The following NCEH1 variants were observed in gnomAD, a reference collection of about 807,000 sequenced individuals.
The protein encoded by NCEH1 is 2-acetyl MAGE hydrolase.
A neutral mutation model predicts 25.4 loss-of-function variants in NCEH1; 9 were observed. The observed-to-expected ratio is 0.35, with a 90% CI of 0.21 to 0.62. The LOEUF is 0.62. NCEH1 is among the 20% of genes least tolerant of loss of function. The pLI is 0.72. For synonymous variants in NCEH1, 200 were observed against 199.8 expected, an observed-to-expected ratio of 1.00 and a Z score of -0.01; for missense variants, 412 against 501.1, an observed-to-expected ratio of 0.82 and a Z score of 1.70.
intron 1 of NCEH1, among the ~76,000 whole-genome samples, chr3:172,657,898 A>G (rs1717776387): frequency 6.6e-6 from 1 of 152,190 alleles, no homozygotes; most frequent in African/African-American, 2.4e-5. Context: ...TGGGTCTCAC[A>G]AACCAAATGA....
chr3:172,698,273 G>A (rs955698726), intron 1 of NCEH1, among the ~76,000 whole-genome samples: 13 of 152,100 alleles, frequency 8.5e-5, no homozygotes, highest in East Asian at 7.7e-4. Flanking sequence ...CACTGCACCC[G>A]GCCTCTAAAA....
At chr3:172,657,647 C>T (rs1321607773) in intron 1 of NCEH1, among the ~76,000 whole-genome samples, 1 of 152,186 alleles carries the variant, frequency 6.6e-6, no homozygotes, top group Non-Finnish European at 1.5e-5. Context: ...GAGTTTCTAC[C>T]CTGAAAGGCT....
rs367561332 is a variant in NCEH1, at chr3:172,711,039, C to G, written c.-55G>C. Reference sequence around the variant, plus strand: ...GGCAAAGAGGAAAGGGCGATACCACCCGGAGACCTCCGGCAACTTTCTGCC... The same window carrying G: ...GGCAAAGAGGAAAGGGCGATACCACGCGGAGACCTCCGGCAACTTTCTGCC... On this transcript the variant is annotated 5_prime_UTR_variant, in exon 1 of 5. Transcript: ENST00000475381. 1 of 1,611,570 alleles carries G rather than the reference C, an allele frequency of 6.2e-7. No individual in the cohort carries two copies. Among genetic ancestry groups the G allele is most frequent in the Non-Finnish European group, 8.5e-7 (1 of 1,178,282 alleles).
intron 1 of NCEH1, among the ~76,000 whole-genome samples, chr3:172,709,118 G>T (rs1164083601): frequency 6.6e-6 from 1 of 152,220 alleles, no homozygotes; most frequent in East Asian, 1.9e-4. Flanking sequence ...CCACCTGAGG[G>T]TATACTCTGT....
chr3:172,640,023 A>G (rs1333235290), intron 3 of NCEH1, among the ~76,000 whole-genome samples: 1 of 152,236 alleles, frequency 6.6e-6, no homozygotes. Flanking sequence ...GCCCCGAATG[A>G]CACCAATGTG....
At chr3:172,646,669 C>T (rs1175754729) in intron 2 of NCEH1, among the ~76,000 whole-genome samples, 1 of 152,106 alleles carries the variant, frequency 6.6e-6, no homozygotes, top group Non-Finnish European at 1.5e-5. Flanking sequence ...TACATAGACA[C>T]CTGTTACCTC....
intron 1 of NCEH1, among the ~76,000 whole-genome samples, chr3:172,658,325 G>C (rs533035082): frequency 2.4e-4 from 36 of 152,300 alleles, no homozygotes; most frequent in African/African-American, 6.5e-4. Context: ...ACCTGCTCAG[G>C]TTCCAGACCT....
chr3:172,655,953 G>A (rs1169923869), intron 1 of NCEH1, among the ~76,000 whole-genome samples: 1 of 152,126 alleles, frequency 6.6e-6, no homozygotes, highest in Non-Finnish European at 1.5e-5. Flanking sequence ...GGGACAAATC[G>A]TTAGTGTGGC....
chr3:172,681,674 G>C (rs1224149560), intron 1 of NCEH1, among the ~76,000 whole-genome samples: 2 of 150,032 alleles, frequency 1.3e-5, no homozygotes, highest in Non-Finnish European at 2.9e-5. Context: ...AGCATCACTT[G>C]AGGTCAGGAG....
intron 3 of NCEH1, among the ~76,000 whole-genome samples, chr3:172,637,820 C>T (rs1286243980): frequency 3.3e-5 from 5 of 152,000 alleles, no homozygotes; most frequent in Non-Finnish European, 4.4e-5. Context: ...ACCCAGGAGG[C>T]GGAGGTTGCA....
chr3:172,662,429 CTT>C (rs1012755441), intron 1 of NCEH1, among the ~76,000 whole-genome samples: 1 of 152,112 alleles, frequency 6.6e-6, no homozygotes, highest in Non-Finnish European at 1.5e-5. Context: ...CTAAAATTCT[CTT>C]TTTTTGTTGT....
At chr3:172,663,388 G>T (rs1244644638) in intron 1 of NCEH1, among the ~76,000 whole-genome samples, 1 of 152,114 alleles carries the variant, frequency 6.6e-6, no homozygotes, top group Non-Finnish European at 1.5e-5. Flanking sequence ...CAACCATGTG[G>T]TCAATTTTGG....
At chr3:172,664,618 T>A (rs1718120446) in intron 1 of NCEH1, among the ~76,000 whole-genome samples, 1 of 152,222 alleles carries the variant, frequency 6.6e-6, no homozygotes, top group Non-Finnish European at 1.5e-5. Context: ...AGATTTGGTC[T>A]TTTCACATAG....
intron 1 of NCEH1, among the ~76,000 whole-genome samples, chr3:172,662,947 G>A (rs907007479): frequency 7.2e-5 from 11 of 152,006 alleles, no homozygotes; most frequent in Non-Finnish European, 1.3e-4. Flanking sequence ...AGGGTTTTTT[G>A]TGTCTCTATC....
In NCEH1 at chr3:172,636,091, T is replaced by C. The variant is rs1220561301; in HGVS notation, c.438-4A>G. ...AACCTTTGGAACTAGCCTGTATCTG[T>C]AAAAACAAAAGTTGTATTCATTTAA... On this transcript the variant is annotated splice_polypyrimidine_tract_variant and splice_region_variant and intron_variant, in intron 3 of 4. Transcript: ENST00000475381. The C allele has an allele frequency of 6.2e-7, 1 of 1,609,180 alleles. No homozygotes were observed. Among genetic ancestry groups the C allele is most frequent in the Non-Finnish European group, 8.5e-7 (1 of 1,176,880 alleles).
At chr3:172,638,268 ACT>A (rs1323915198) in intron 3 of NCEH1, among the ~76,000 whole-genome samples, 2 of 96,814 alleles carry the variant, frequency 2.1e-5, no homozygotes, top group African/African-American at 8.4e-5. Flanking sequence ...ACAGAACGAG[ACT>A]CTGTCCAAAA....
chr3:172,665,769 T>C (rs1386868311), intron 1 of NCEH1, among the ~76,000 whole-genome samples: 1 of 152,186 alleles, frequency 6.6e-6, no homozygotes, highest in Non-Finnish European at 1.5e-5. Context: ...CAAGGCTCCA[T>C]GGGTGTCGGA....
intron 1 of NCEH1, among the ~76,000 whole-genome samples, chr3:172,696,397 T>G (rs1278131320): frequency 6.6e-6 from 1 of 152,202 alleles, no homozygotes. Flanking sequence ...TGTAGTTTAG[T>G]GTAGACAACT....
intron 1 of NCEH1, among the ~76,000 whole-genome samples, chr3:172,703,856 T>A (rs1490274769): frequency 6.6e-6 from 1 of 152,206 alleles, no homozygotes; most frequent in Non-Finnish European, 1.5e-5. Context: ...CTCAGGTTGT[T>A]CACCTGTCAG....
Sources: gnomAD v4.1 joint callset for allele counts (sites outside exome capture counted in the v4.1 genomes callset) on GRCh38, gnomAD v4.1.1 for gene constraint, MANE v1.5 for transcripts, NCBI Gene and HGNC (gene_info 2026-07-23, HGNC 2026-07-21) for gene names.